LPO: variants seen among roughly 807,000 people sequenced by gnomAD.
LPO encodes lactoperoxidase.
Under a neutral mutation model 68.4 loss-of-function variants are expected in LPO, and 70 were observed. The observed-to-expected ratio is 1.02, with a 90% CI of 0.84 to 1.25. The LOEUF is 1.25. Ranked by LOEUF, LPO falls within the 50% of genes most tolerant of loss-of-function variation. LPO has a pLI of 0.00. For missense variants in LPO, 873 were observed against 908.4 expected (o/e 0.96, Z 0.50); for synonymous variants, 360 against 357.6 (o/e 1.01, Z -0.08).
chr17:58,266,441 A>G, intron 11 of LPO, 115 bp downstream of exon 11: 3 of 1,223,092 alleles, frequency 2.5e-6, no homozygotes, highest in Non-Finnish European at 3.3e-6. Context: ...TCTGAAACAA[A>G]AGTCAGGCCA....
Position 58,247,577 on chromosome 17 carries a change from A to G in LPO, c.264A>G (p.Gly88=), listed in dbSNP as rs1391533770. The change falls in exon 4 of 13, where the codon GGA becomes GGG. Residue 88 remains glycine, a synonymous_variant. Transcript: ENST00000262290. ...KGRTRTAIRN[G]QVWEESLKRL... is the part of the protein sequence containing the mutation. ...GGACGCGCACAGCCATCCGCAATGG[A>G]CAGGTGTGGGAGGAGTCTTTAAAGA... The G allele has an allele frequency of 3.1e-6, 5 of 1,614,064 alleles. No homozygotes were observed. The highest frequency in any genetic ancestry group is 4.2e-6 in the Non-Finnish European group (5 of 1,179,936).
At chr17:58,242,935 G>A (rs757298353) in intron 1 of LPO, 43 bp from the exon 2 acceptor site, 2 of 1,564,654 alleles carry the variant, frequency 1.3e-6, no homozygotes, top group Non-Finnish European at 1.8e-6. Context: ...CTCCCACTTG[G>A]TCTCTAGAGA....
intron 1 of LPO, 135 bp downstream of exon 1, chr17:58,238,874 C>T (rs1208426821): frequency 6.6e-6 from 1 of 152,142 alleles, no homozygotes; most frequent in African/African-American, 2.4e-5. Flanking sequence ...GCTTTAGCCA[C>T]CCCATGGCAC....
At position 58,266,230 on chromosome 17, in the gene LPO, G is replaced by C. The variant is rs1567824123; in HGVS notation, c.1597G>C (p.Glu533Gln). ...LMKQNKMMTGELRNKLFQPTH... is the reference protein window; with the variant it reads ...LMKQNKMMTGQLRNKLFQPTH... ...GAAACAGAATAAAATGATGACTGGA[G>C]AGCTGCGCAACAAGCTTTTCCAGCC... Residue 533 changes from glutamate to glutamine, a missense_variant, in exon 11 of 13, where the codon GAG becomes CAG. Transcript: ENST00000262290. The C allele has an allele frequency of 6.2e-7, 1 of 1,614,162 alleles. No individual in the cohort carries two copies.
intron 1 of LPO, among the ~76,000 whole-genome samples, chr17:58,238,959 T>C (rs2143870507): frequency 6.6e-6 from 1 of 152,262 alleles, no homozygotes; most frequent in South Asian, 2.1e-4. Flanking sequence ...GGCTTTTCTG[T>C]GTCTGAAAAC....
chr17:58,260,607 A>G (rs1970158173), intron 9 of LPO, among the ~76,000 whole-genome samples: 1 of 152,026 alleles, frequency 6.6e-6, no homozygotes, highest in African/African-American at 2.4e-5. Flanking sequence ...CAGGTGTAGA[A>G]CTTTGTCAAA....
intron 6 of LPO, 134 bp downstream of exon 6, chr17:58,249,829 C>A: frequency 7.8e-7 from 1 of 1,285,218 alleles, no homozygotes; most frequent in Non-Finnish European, 1.0e-6. Flanking sequence ...GCACAGACCC[C>A]CACCTTCCGC....
intron 1 of LPO, among the ~76,000 whole-genome samples, chr17:58,242,363 T>C (rs975368401): frequency 2.0e-5 from 3 of 152,208 alleles, no homozygotes; most frequent in African/African-American, 7.2e-5. Context: ...TCTTTCAGTA[T>C]TGCCATCAAG....
chr17:58,267,316 C>G, intron 11 of LPO, 33 bp from the exon 12 acceptor site: 1 of 1,566,450 alleles, frequency 6.4e-7, no homozygotes, highest in Non-Finnish European at 8.8e-7. Flanking sequence ...AGGAAGTCCC[C>G]GGGATGAGAC....
intron 3 of LPO, among the ~76,000 whole-genome samples, chr17:58,245,718 ACT>A (rs1969841297): frequency 6.6e-6 from 1 of 152,166 alleles, no homozygotes; most frequent in Non-Finnish European, 1.5e-5. Context: ...CTAGAATTAA[ACT>A]AGCAAAGGAG....
At chr17:58,246,185 C>G (rs1344755921) in intron 3 of LPO, among the ~76,000 whole-genome samples, 1 of 152,138 alleles carries the variant, frequency 6.6e-6, no homozygotes, top group Non-Finnish European at 1.5e-5. Context: ...AGCATAGGGT[C>G]TGAGGCAGGA....
chr17:58,249,806 G>C (rs1357583205), intron 6 of LPO, 111 bp downstream of exon 6: 1 of 1,375,876 alleles, frequency 7.3e-7, no homozygotes, highest in African/African-American at 1.5e-5. Context: ...GCAGGGGTGC[G>C]CGATGGAGAT....
chr17:58,266,429 A>G (rs775784107), intron 11 of LPO, 103 bp downstream of exon 11: 10 of 1,305,512 alleles, frequency 7.7e-6, no homozygotes, highest in Non-Finnish European at 1.0e-5. Context: ...CATCTGATCA[A>G]TTCTGAAACA....
At chr17:58,250,992 A>C in intron 7 of LPO, 1 of 244,036 alleles carries the variant, frequency 4.1e-6, no homozygotes, top group East Asian at 9.8e-5. Context: ...GAAATGTAAA[A>C]TCTCAGTTGG....
At chr17:58,265,629 T>C (rs1477960782) in intron 10 of LPO, among the ~76,000 whole-genome samples, 2 of 137,224 alleles carry the variant, frequency 1.5e-5, no homozygotes, top group Admixed American at 1.6e-4. Flanking sequence ...TCACCCAGGC[T>C]GGAGTGCAAG....
intron 2 of LPO, chr17:58,243,477 T>A (rs1969795904): frequency 4.6e-6 from 1 of 217,500 alleles, no homozygotes; most frequent in Non-Finnish European, 9.2e-6. Context: ...GATGTGAATT[T>A]TGGGAGGGCC....
intron 9 of LPO, among the ~76,000 whole-genome samples, chr17:58,257,062 T>C (rs1328323443): frequency 7.1e-6 from 1 of 140,276 alleles, no homozygotes; most frequent in Non-Finnish European, 1.5e-5. Flanking sequence ...GCCTCCTGAG[T>C]AGCTGGGGTT....
chr17:58,265,003 C>T (rs868333372), intron 10 of LPO, 29 bp downstream of exon 10: 1 of 1,610,546 alleles, frequency 6.2e-7, no homozygotes. Context: ...GTGCTGTCAC[C>T]TGGGTCTCCC....
intron 5 of LPO, 90 bp downstream of exon 5, chr17:58,249,267 T>C (rs923673178): frequency 1.2e-5 from 14 of 1,207,058 alleles, no homozygotes; most frequent in South Asian, 4.1e-5. Context: ...TCTAGGCAGA[T>C]CTGCCACTGC....
Sources: allele counts gnomAD v4.1 joint callset (sites outside exome capture counted in the v4.1 genomes callset), GRCh38; gene constraint gnomAD v4.1.1; transcripts MANE v1.5; gene names NCBI Gene and HGNC (gene_info 2026-07-23, HGNC 2026-07-21).